The following RIMS2 variants were observed in gnomAD, a reference collection of about 807,000 sequenced individuals.
RIMS2 encodes regulating synaptic membrane exocytosis 2.
Under a neutral mutation model 174.4 loss-of-function variants are expected in RIMS2, and 59 were observed. That is an observed-to-expected ratio of 0.34 (90% CI 0.27 to 0.42). The LOEUF (loss-of-function observed/expected upper bound fraction) is 0.42. Ranked by LOEUF, RIMS2 falls within the 10% of genes least tolerant of loss-of-function variation. The pLI is 1.00. For missense variants in RIMS2, 1,620 were observed against 1,666.3 expected (o/e 0.97, Z 0.48); for synonymous variants, 606 against 572.5 (o/e 1.06, Z -0.84).
chr8:103,597,178 G>A (rs768152857), intron 1 of RIMS2, among the ~76,000 whole-genome samples: 22 of 152,202 alleles, frequency 1.4e-4, no homozygotes, highest in Middle Eastern at 3.4e-3. Flanking sequence ...GAAAAGAAGT[G>A]CTAATTAATA....
At chr8:104,156,997 A>G (rs2098728505) in intron 19 of RIMS2, among the ~76,000 whole-genome samples, 1 of 152,180 alleles carries the variant, frequency 6.6e-6, no homozygotes, top group Non-Finnish European at 1.5e-5. Flanking sequence ...AACTAACCCT[A>G]TAGGATATGG....
intron 3 of RIMS2, among the ~76,000 whole-genome samples, chr8:103,862,050 T>C (rs2099061649): frequency 6.6e-6 from 1 of 152,154 alleles, no homozygotes; most frequent in Non-Finnish European, 1.5e-5. Flanking sequence ...ATTCTTTGCC[T>C]AGGCCAATGT....
chr8:103,752,918 C>G (rs1399169449), intron 2 of RIMS2, among the ~76,000 whole-genome samples: 1 of 151,992 alleles, frequency 6.6e-6, no homozygotes, highest in African/African-American at 2.4e-5. Flanking sequence ...TAATTGAATA[C>G]CTTTTATTTC....
exon 18 of RIMS2, chr8:104,013,586 T>G: frequency 6.2e-7 from 1 of 1,613,794 alleles, no homozygotes; most frequent in Non-Finnish European, 8.5e-7. Flanking sequence ...CATTAATGAC[T>G]GGAAGATCTG....
rs544115221 is a variant in RIMS2, at chr8:104,251,442, A to G, written c.3832-160A>G. 5.9e-5 allele frequency among the ~76,000 whole-genome samples: 9 copies of G among 152,358 alleles called. No individual in the cohort carries two copies. In the South Asian group the frequency reaches 8.3e-4, roughly 14 times the overall value. On this transcript the variant is annotated intron_variant, in intron 23 of 23. Coordinates refer to ENST00000504942, the Ensembl canonical transcript of RIMS2. ...TACAATTTCCCCAGTGTACCTTTAG[A>G]TACCACTAGTTAAAGACAACTATTC...
intron 3 of RIMS2, among the ~76,000 whole-genome samples, chr8:103,789,799 G>T (rs1434749489): frequency 7.4e-6 from 1 of 135,300 alleles, no homozygotes; most frequent in Non-Finnish European, 1.5e-5. Context: ...TGTTGCCCAG[G>T]CTGGAGGACG....
At chr8:103,915,969 A>G (rs1332417381) in intron 7 of RIMS2, among the ~76,000 whole-genome samples, 1 of 151,956 alleles carries the variant, frequency 6.6e-6, no homozygotes, top group Non-Finnish European at 1.5e-5. Flanking sequence ...ATACTGTTGG[A>G]GAAATCCTTG....
chr8:104,046,458 T>C (rs1479326920), intron 19 of RIMS2, among the ~76,000 whole-genome samples: 1 of 152,124 alleles, frequency 6.6e-6, no homozygotes, highest in Non-Finnish European at 1.5e-5. Context: ...TTGAGTGGCA[T>C]ATATGACATA....
chr8:104,145,779 C>T (rs2098633257), intron 19 of RIMS2, among the ~76,000 whole-genome samples: 1 of 152,064 alleles, frequency 6.6e-6, no homozygotes, highest in African/African-American at 2.4e-5. Flanking sequence ...AGGAGAATCA[C>T]TTGAACCCGG....
chr8:103,637,200 A>G (rs2096108600), intron 1 of RIMS2, among the ~76,000 whole-genome samples: 1 of 152,188 alleles, frequency 6.6e-6, no homozygotes, highest in Non-Finnish European at 1.5e-5. Context: ...TCACTCCACC[A>G]TGGCCACTTT....
At chr8:103,761,695 A>G (rs1455789048) in intron 2 of RIMS2, among the ~76,000 whole-genome samples, 1 of 152,242 alleles carries the variant, frequency 6.6e-6, no homozygotes, top group East Asian at 1.9e-4. Context: ...GTTGTTGAAT[A>G]GCTAGCCAGA....
At chr8:104,030,146 G>A (rs2096357979) in intron 19 of RIMS2, among the ~76,000 whole-genome samples, 1 of 152,190 alleles carries the variant, frequency 6.6e-6, no homozygotes, top group Admixed American at 6.6e-5. Context: ...AAGGTAGATA[G>A]GATACCAGAG....
chr8:104,239,941 ATCCAAT>A (rs1345937878), intron 19 of RIMS2, among the ~76,000 whole-genome samples: 1 of 152,168 alleles, frequency 6.6e-6, no homozygotes, highest in Non-Finnish European at 1.5e-5. Flanking sequence ...AGTGGACAGA[ATCCAAT>A]TCCTTACAGT....
chr8:103,905,770 C>CT (rs2074257869), intron 4 of RIMS2, among the ~76,000 whole-genome samples: 1 of 112,980 alleles, frequency 8.9e-6, no homozygotes, highest in African/African-American at 3.5e-5. Context: ...CGTTCATTTT[C>CT]TTTTCTTTTT....
intron 19 of RIMS2, among the ~76,000 whole-genome samples, chr8:104,225,527 T>C (rs2099182101): frequency 6.6e-6 from 1 of 152,248 alleles, no homozygotes; most frequent in African/African-American, 2.4e-5. Context: ...TCAGATAAGG[T>C]ATCATCCTTT....
At chr8:103,871,791 T>A (rs527339055) in intron 3 of RIMS2, among the ~76,000 whole-genome samples, 1 of 152,170 alleles carries the variant, frequency 6.6e-6, no homozygotes, top group Non-Finnish European at 1.5e-5. Flanking sequence ...GTTTGTTTTT[T>A]TTTTACATTT....
intron 1 of RIMS2, among the ~76,000 whole-genome samples, chr8:103,602,205 T>G (rs1056598128): frequency 2.0e-5 from 3 of 152,066 alleles, no homozygotes; most frequent in Non-Finnish European, 4.4e-5. Context: ...GCCAGGATGG[T>G]CTCAATCTCC....
chr8:103,697,112 A>C, exon 2 of RIMS2: 1 of 1,613,422 alleles, frequency 6.2e-7, no homozygotes, highest in Non-Finnish European at 8.5e-7. Flanking sequence ...TTTGAAATGT[A>C]TAAAGAGCAG....
intron 19 of RIMS2, among the ~76,000 whole-genome samples, chr8:104,153,152 A>G (rs2098700460): frequency 6.6e-6 from 1 of 152,178 alleles, no homozygotes; most frequent in African/African-American, 2.4e-5. Flanking sequence ...CTCTTCTGTC[A>G]CACTATTTGT....
Sources: gnomAD v4.1 joint callset for allele counts (sites outside exome capture counted in the v4.1 genomes callset) on GRCh38, gnomAD v4.1.1 for gene constraint, MANE v1.5 for transcripts, NCBI Gene and HGNC (gene_info 2026-07-23, HGNC 2026-07-21) for gene names.